ATP13A4: variants seen among roughly 807,000 people sequenced by gnomAD.
The protein encoded by ATP13A4 is ATPase 13A4.
ATP13A4 carries 114 observed loss-of-function variants against 142.5 expected under a neutral mutation model. That is an observed-to-expected ratio of 0.80 (90% CI 0.69 to 0.93). The LOEUF is 0.93. ATP13A4 is among the 40% of genes least tolerant of loss of function. The pLI, the probability that ATP13A4 is intolerant of heterozygous loss-of-function variation, is 0.00. For missense variants in ATP13A4, 1,392 were observed against 1,454.0 expected (o/e 0.96, Z 0.69); for synonymous variants, 488 against 514.8 (o/e 0.95, Z 0.70).
At chr3:193,593,062 C>T in exon 1 of ATP13A4, 1 of 367,138 alleles carries the variant, frequency 2.7e-6, no homozygotes. Context: ...AGCAAGAGGG[C>T]GGGGCCCCGT....
chr3:193,544,441 G>A (rs943445032), intron 1 of ATP13A4, among the ~76,000 whole-genome samples: 6 of 151,902 alleles, frequency 3.9e-5, no homozygotes, highest in African/African-American at 1.2e-4. Flanking sequence ...AGATACAAAG[G>A]GATTACCTAA....
intron 2 of ATP13A4, among the ~76,000 whole-genome samples, chr3:193,511,139 G>A (rs985589344): frequency 6.6e-6 from 1 of 152,114 alleles, no homozygotes; most frequent in Non-Finnish European, 1.5e-5. Flanking sequence ...TGACACACAA[G>A]AGCAGGCAAT....
rs1241111372 is a variant in ATP13A4 at position 193,464,963 on chromosome 3, A to C, written c.1438T>G (p.Leu480Val). ...ACCTTGTCAAAGCAGACAAGGTTTA[A>C]CTGTCCACATACGTTGATCCTCTGG... ...SPQRINVCGQ[L>V]NLVCFDKTGT... Residue 480 changes from leucine to valine, a missense_variant, in exon 12 of 30, where the codon TTA becomes GTA. Coordinates refer to ENST00000342695, the MANE Select transcript of ATP13A4 (RefSeq NM_032279.4). 2 of 1,613,986 alleles carry C rather than the reference A, an allele frequency of 1.2e-6. No individual in the cohort carries two copies. The highest frequency in any genetic ancestry group is 1.7e-6 in the Non-Finnish European group (2 of 1,180,006).
rs571641458 is a variant in ATP13A4 at position 193,549,737 on chromosome 3, T to C, written c.60+5003A>G. Among the ~76,000 whole-genome samples the C allele has an allele frequency of 8.5e-4, 129 of 152,206 alleles. 1 individual carries two copies. The highest frequency in any genetic ancestry group is 2.7e-3 in the African/African-American group (113 of 41,514). On this transcript the variant is annotated intron_variant, in intron 1 of 29. Transcript: ENST00000342695. ...GTCCCAGCTACTCAGGAGGCTGATG[T>C]GGGAGGATCACCTGTGCCTGGGAGG... is the stretch of plus-strand genomic sequence containing the variant.
intron 6 of ATP13A4, among the ~76,000 whole-genome samples, chr3:193,490,543 T>C (rs1008816333): frequency 6.6e-6 from 1 of 152,202 alleles, no homozygotes; most frequent in Non-Finnish European, 1.5e-5. Flanking sequence ...AGAGTAGCTG[T>C]GAACTTCAAC....
intron 1 of ATP13A4, among the ~76,000 whole-genome samples, chr3:193,541,401 G>GATCACAGATTATCTATCTGTGATTATCA (rs1722919520): frequency 2.6e-5 from 3 of 116,542 alleles, no homozygotes; most frequent in Admixed American, 1.6e-4. Context: ...TGTGATTATC[G>GATCACAGATTATCTATCTGTGATTATCA]ATCACAGATT....
chr3:193,552,226 C>T (rs1400674023), intron 1 of ATP13A4, among the ~76,000 whole-genome samples: 1 of 152,212 alleles, frequency 6.6e-6, no homozygotes, highest in Non-Finnish European at 1.5e-5. Flanking sequence ...CCCGCCTCGG[C>T]CTCCCAAAGT....
intron 1 of ATP13A4, among the ~76,000 whole-genome samples, chr3:193,519,511 C>A (rs967012808): frequency 1.3e-5 from 2 of 151,840 alleles, no homozygotes; most frequent in Non-Finnish European, 2.9e-5. Flanking sequence ...TTTCAGTCTC[C>A]TTTAAATATT....
At position 193,401,523 on chromosome 3, in the gene ATP13A4, T is replaced by A. The variant is rs935642890; in HGVS notation, c.*1129A>T. On this transcript the variant is annotated 3_prime_UTR_variant, in exon 30 of 30. Transcript: ENST00000342695. ...AATTTCTGGAGTTGGCCATGTGACATGAGAGATTCCTAAAACATAGGATAA... is the reference window on the plus strand; with the variant it reads ...AATTTCTGGAGTTGGCCATGTGACAAGAGAGATTCCTAAAACATAGGATAA... 6.6e-6 allele frequency among the ~76,000 whole-genome samples: 1 copy of A among 152,094 alleles called. No homozygotes were observed. Among genetic ancestry groups the A allele is most frequent in the African/African-American group, 2.4e-5 (1 of 41,410 alleles).
At chr3:193,522,777 A>C (rs904261931) in intron 1 of ATP13A4, among the ~76,000 whole-genome samples, 1 of 152,312 alleles carries the variant, frequency 6.6e-6, no homozygotes, top group Admixed American at 6.5e-5. Context: ...ACTCCACCCA[A>C]TAGCCAGACA....
At position 193,441,555 on chromosome 3, in the gene ATP13A4, C is replaced by T; in HGVS notation, c.2350G>A (p.Asp784Asn). 2 of 1,613,430 alleles carry T rather than the reference C, an allele frequency of 1.2e-6. No individual in the cohort carries two copies. The highest frequency in any genetic ancestry group is 2.2e-5 in the East Asian group (1 of 44,822). ...NYINIRDEVS[D>N]KGREGSYHFA... is the part of the protein sequence containing the mutation. The stretch of plus-strand genomic sequence containing the variant: ...TGGTAACTTCCTTCTCTGCCTTTAT[C>T]AGAGACTTCATCCCTGATGTTAATG... The change falls in exon 20 of 30, where the codon GAT becomes AAT. Residue 784 changes from aspartate to asparagine, a missense_variant. Asp to Asn is a conservative substitution (Grantham distance 23). Transcript: ENST00000342695.
In ATP13A4 at chr3:193,464,933, C is replaced by T; in HGVS notation, c.1461+7G>A. 6.2e-7 allele frequency: 1 copy of T among 1,612,778 alleles called. No individual in the cohort carries two copies. Among genetic ancestry groups the T allele is most frequent in the Non-Finnish European group, 8.5e-7 (1 of 1,178,960 alleles). ...TGATGATAAGAATAAGGATGAAACA[C>T]ACATACCTTGTCAAAGCAGACAAGG... On this transcript the variant is annotated splice_region_variant and intron_variant, in intron 12 of 29. Coordinates refer to ENST00000342695, the MANE Select transcript of ATP13A4 (RefSeq NM_032279.4).
chr3:193,561,463 G>A (rs1724015474), intron 2 of ATP13A4, among the ~76,000 whole-genome samples: 2 of 152,218 alleles, frequency 1.3e-5, no homozygotes, highest in African/African-American at 2.4e-5. Flanking sequence ...AAAGGGAGGA[G>A]ACTCTCAAGT....
intron 1 of ATP13A4, among the ~76,000 whole-genome samples, chr3:193,527,611 A>G (rs968094045): frequency 1.5e-5 from 2 of 134,478 alleles, no homozygotes; most frequent in Non-Finnish European, 3.2e-5. Flanking sequence ...GGCTCCATCT[A>G]AAAAAAAAAA....
At chr3:193,457,547 G>T in intron 14 of ATP13A4, 82 bp from the exon 15 acceptor site, 2 of 1,311,750 alleles carry the variant, frequency 1.5e-6, no homozygotes, top group Non-Finnish European at 2.2e-6. Flanking sequence ...CTCCCCTTGA[G>T]AAGATCCTCA....
chr3:193,564,598 A>G (rs1724093001), intron 2 of ATP13A4, among the ~76,000 whole-genome samples: 1 of 152,198 alleles, frequency 6.6e-6, no homozygotes, highest in East Asian at 1.9e-4. Flanking sequence ...ACACCATGAC[A>G]TATTTTATAC....
chr3:193,575,584 A>T (rs1724374604), intron 2 of ATP13A4, among the ~76,000 whole-genome samples: 1 of 152,186 alleles, frequency 6.6e-6, no homozygotes, highest in Admixed American at 6.5e-5. Context: ...AAGACTTTTT[A>T]AAAACACGGG....
intron 8 of ATP13A4, among the ~76,000 whole-genome samples, chr3:193,483,122 C>T (rs570739748): frequency 1.3e-5 from 2 of 151,816 alleles, no homozygotes; most frequent in African/African-American, 4.8e-5. Flanking sequence ...GAACTTTGAT[C>T]CCCCCCAAAA....
At chr3:193,405,596 C>T (rs1714454623) in intron 29 of ATP13A4, among the ~76,000 whole-genome samples, 1 of 152,106 alleles carries the variant, frequency 6.6e-6, no homozygotes, top group African/African-American at 2.4e-5. Context: ...CATGAAAGAC[C>T]ACATCGAAGG....
Sources: gnomAD v4.1 joint callset for allele counts (sites outside exome capture counted in the v4.1 genomes callset) on GRCh38, gnomAD v4.1.1 for gene constraint, MANE v1.5 for transcripts, NCBI Gene and HGNC (gene_info 2026-07-23, HGNC 2026-07-21) for gene names.